Variants in LAMC1 observed in about 807,000 individuals in gnomAD.
The protein encoded by LAMC1 is laminin subunit gamma 1, also known as laminin subunit gamma-1.
LAMC1 carries 38 observed loss-of-function variants against 173.6 expected under a neutral mutation model. The ratio of observed to expected loss-of-function variants is 0.22; its 90% CI spans 0.17 to 0.29. The LOEUF is 0.29. Among genes scored for constraint, LAMC1 ranks in the 10% least tolerant of loss-of-function variants. The probability of loss-of-function intolerance (pLI) is 1.00; values close to 1 mark genes in which losing one functional copy is unlikely to be tolerated. For synonymous variants in LAMC1, 746 were observed against 749.1 expected, an observed-to-expected ratio of 1.00 and a Z score of 0.07; for missense variants, 1,824 against 2,051.8, an observed-to-expected ratio of 0.89 and a Z score of 2.14.
At chr1:183,027,125 C>T (rs1363036005) in intron 1 of LAMC1, among the ~76,000 whole-genome samples, 1 of 152,110 alleles carries the variant, frequency 6.6e-6, no homozygotes, top group Non-Finnish European at 1.5e-5. Flanking sequence ...GTACAAAAGC[C>T]AGGAAAATCA....
At chr1:183,117,001 G>A (rs981297399) in intron 8 of LAMC1, 98 bp downstream of exon 8, 15 of 1,205,364 alleles carry the variant, frequency 1.2e-5, no homozygotes, top group Non-Finnish European at 1.6e-5. Context: ...GCTTTTTGAT[G>A]GTTGGCAACA....
intron 27 of LAMC1, among the ~76,000 whole-genome samples, chr1:183,141,523 T>G (rs940726648): frequency 1.1e-4 from 16 of 152,204 alleles, no homozygotes; most frequent in African/African-American, 3.9e-4. Context: ...TTAGGACAGA[T>G]GCACTTTTGT....
At chr1:183,030,224 A>G (rs966028041) in intron 1 of LAMC1, among the ~76,000 whole-genome samples, 1 of 152,210 alleles carries the variant, frequency 6.6e-6, no homozygotes, top group African/African-American at 2.4e-5. Context: ...GACAGACTCC[A>G]TATGTCCCAG....
intron 1 of LAMC1, among the ~76,000 whole-genome samples, chr1:183,094,153 G>T (rs551783058): frequency 2.6e-5 from 4 of 152,110 alleles, no homozygotes; most frequent in African/African-American, 7.2e-5. Flanking sequence ...TGCTTCAGCC[G>T]CACTGGCCTC....
intron 1 of LAMC1, among the ~76,000 whole-genome samples, chr1:183,091,230 A>T (rs1311476788): frequency 1.3e-5 from 2 of 152,130 alleles, no homozygotes; most frequent in East Asian, 1.9e-4. Context: ...GTATTCTTTG[A>T]TTTCTTAGAT....
chr1:183,093,484 C>T (rs1451633326), intron 1 of LAMC1, among the ~76,000 whole-genome samples: 5 of 152,256 alleles, frequency 3.3e-5, no homozygotes, highest in African/African-American at 7.2e-5. Flanking sequence ...CCATTTCCCC[C>T]ATTGCTAAAA....
intron 2 of LAMC1, among the ~76,000 whole-genome samples, chr1:183,106,261 C>G (rs1367474987): frequency 6.6e-6 from 1 of 152,138 alleles, no homozygotes; most frequent in Non-Finnish European, 1.5e-5. Context: ...AGGTCGAAGC[C>G]TTGTAGAAGA....
intron 1 of LAMC1, among the ~76,000 whole-genome samples, chr1:183,093,730 C>T (rs1571435345): frequency 6.6e-6 from 1 of 152,170 alleles, no homozygotes; most frequent in African/African-American, 2.4e-5. Flanking sequence ...TGAAACTGAA[C>T]TCCCAGTTTC....
At chr1:183,024,412 G>C (rs1653626644) in intron 1 of LAMC1, among the ~76,000 whole-genome samples, 1 of 152,212 alleles carries the variant, frequency 6.6e-6, no homozygotes, top group Non-Finnish European at 1.5e-5. Flanking sequence ...CATTTCGGCT[G>C]TTAGGATTGT....
intron 3 of LAMC1, 56 bp from the exon 4 acceptor site, chr1:183,110,432 G>T (rs2102076099): frequency 7.3e-7 from 1 of 1,368,122 alleles, no homozygotes; most frequent in South Asian, 1.3e-5. Flanking sequence ...TTTTCTGTGT[G>T]CATTTCTGGG....
At chr1:183,097,520 G>A (rs1571437576) in intron 1 of LAMC1, among the ~76,000 whole-genome samples, 4 of 152,308 alleles carry the variant, frequency 2.6e-5, no homozygotes, top group African/African-American at 9.6e-5. Flanking sequence ...TCTAAAGGAG[G>A]TTGTTTCACA....
intron 11 of LAMC1, among the ~76,000 whole-genome samples, chr1:183,121,365 G>A (rs566405055): frequency 1.3e-5 from 2 of 152,170 alleles, no homozygotes; most frequent in South Asian, 2.1e-4. Context: ...GGCGGAGATT[G>A]CAGTGAGTCG....
At chr1:183,068,573 C>T (rs1654933738) in intron 1 of LAMC1, among the ~76,000 whole-genome samples, 1 of 152,170 alleles carries the variant, frequency 6.6e-6, no homozygotes, top group Non-Finnish European at 1.5e-5. Context: ...CAAATTATTG[C>T]AGGTCTCTAA....
intron 1 of LAMC1, among the ~76,000 whole-genome samples, chr1:183,093,552 A>G (rs1015099660): frequency 6.6e-6 from 1 of 151,964 alleles, no homozygotes; most frequent in Admixed American, 6.6e-5. Context: ...TCCATTCCCT[A>G]GTTGTTTTCC....
chr1:183,092,236 A>T (rs1655583295), intron 1 of LAMC1, among the ~76,000 whole-genome samples: 1 of 152,230 alleles, frequency 6.6e-6, no homozygotes, highest in Admixed American at 6.5e-5. Context: ...GCTTAAGTTC[A>T]TTCCACAGAA....
At chr1:183,106,966 A>G (rs1169740726) in intron 2 of LAMC1, among the ~76,000 whole-genome samples, 2 of 152,174 alleles carry the variant, frequency 1.3e-5, no homozygotes, top group East Asian at 1.9e-4. Flanking sequence ...AAGAGACTGC[A>G]CTGGTTGTGG....
At chr1:183,132,793 A>G (rs1319162233) in intron 21 of LAMC1, among the ~76,000 whole-genome samples, 1 of 152,250 alleles carries the variant, frequency 6.6e-6, no homozygotes, top group Non-Finnish European at 1.5e-5. Context: ...GTGCACAAAT[A>G]AAGAAGAAAA....
intron 5 of LAMC1, 123 bp from the exon 6 acceptor site, chr1:183,115,397 C>G: frequency 1.4e-6 from 1 of 698,074 alleles, no homozygotes; most frequent in South Asian, 1.8e-5. Context: ...TTGTGACCAT[C>G]AGGAGATTGC....
At chr1:183,055,470 G>A (rs1172064322) in intron 1 of LAMC1, among the ~76,000 whole-genome samples, 2 of 143,030 alleles carry the variant, frequency 1.4e-5, no homozygotes, top group Non-Finnish European at 1.6e-5. Context: ...ATACCCTATT[G>A]TGTAAAAAAA....
Sources: allele counts gnomAD v4.1 joint callset (sites outside exome capture counted in the v4.1 genomes callset), GRCh38; gene constraint gnomAD v4.1.1; transcripts MANE v1.5; gene names NCBI Gene and HGNC (gene_info 2026-07-23, HGNC 2026-07-21).